The following TMX3 variants were observed in gnomAD, a reference collection of about 807,000 sequenced individuals.
TMX3 encodes protein disulfide-isomerase TMX3.
TMX3 carries 40 observed loss-of-function variants against 64.4 expected under a neutral mutation model. The observed-to-expected ratio is 0.62, with a 90% confidence interval of 0.48 to 0.81. The LOEUF (loss-of-function observed/expected upper bound fraction) is 0.81. Among genes scored for constraint, TMX3 ranks in the 30% least tolerant of loss-of-function variants. TMX3 has a pLI of 0.00. For missense variants in TMX3, 497 were observed against 534.5 expected, an observed-to-expected ratio of 0.93 and a Z score of 0.69; for synonymous variants, 189 against 175.7, an observed-to-expected ratio of 1.08 and a Z score of -0.60.
In TMX3 at chr18:68,674,588, T is replaced by A. The variant is rs1275854118; in HGVS notation, c.*2345A>T. ...GATTCACTTATTAAGAGATCTGTCTTTATATGGAAGTAATGTTTCACGGAA... is the reference window on the plus strand; with the variant it reads ...GATTCACTTATTAAGAGATCTGTCTATATATGGAAGTAATGTTTCACGGAA... On this transcript the variant is annotated 3_prime_UTR_variant, in exon 16 of 16. Coordinates refer to ENST00000299608, the MANE Select transcript of TMX3 (RefSeq NM_019022.5). 2.0e-5 allele frequency: 3 copies of A among 152,240 alleles called. No individual in the cohort carries two copies. The highest frequency in any genetic ancestry group is 7.2e-5 in the African/African-American group (3 of 41,572). 9.4% of individuals were successfully genotyped at this position (152,240 alleles called of 1,614,324 possible).
chr18:68,696,601 C>G (rs565220717), intron 8 of TMX3, among the ~76,000 whole-genome samples: 56 of 151,982 alleles, frequency 3.7e-4, no homozygotes, highest in African/African-American at 1.3e-3. Context: ...CTCAGCCTCC[C>G]GAGTAACTAG....
intron 7 of TMX3, 131 bp from the exon 8 acceptor site, chr18:68,697,434 G>A (rs1021191216): frequency 4.4e-6 from 2 of 451,550 alleles, no homozygotes; most frequent in Non-Finnish European, 7.9e-6. Context: ...CATCCTCTTA[G>A]GTGAAGAGAA....
intron 7 of TMX3, 117 bp from the exon 8 acceptor site, chr18:68,697,420 CT>C: frequency 2.1e-6 from 1 of 485,282 alleles, no homozygotes; most frequent in Non-Finnish European, 3.7e-6. Flanking sequence ...AATGTGCTAC[CT>C]TACATCCTCT....
intron 6 of TMX3, 82 bp downstream of exon 6, chr18:68,700,323 G>A: frequency 1.0e-6 from 1 of 957,170 alleles, no homozygotes; most frequent in Non-Finnish European, 1.5e-6. Flanking sequence ...CTTAAAATAT[G>A]TTTGTTCAAT....
intron 13 of TMX3, 51 bp downstream of exon 13, chr18:68,682,874 A>C: frequency 6.5e-7 from 1 of 1,539,816 alleles, no homozygotes; most frequent in East Asian, 2.3e-5. Flanking sequence ...CTCAGAAACA[A>C]ATTTAAAAAT....
At chr18:68,679,575 CT>C in intron 14 of TMX3, 44 bp from the exon 15 acceptor site, 1 of 1,529,892 alleles carries the variant, frequency 6.5e-7, no homozygotes, top group South Asian at 1.2e-5. Flanking sequence ...AGCACCATTA[CT>C]TCATTTACTT....
At chr18:68,684,586 GAATTTAAT>G in intron 10 of TMX3, 101 bp from the exon 11 acceptor site, 3 of 953,968 alleles carry the variant, frequency 3.1e-6, no homozygotes, top group Non-Finnish European at 4.9e-6. Context: ...AGTATTTCTA[GAATTTAAT>G]TCCAATCACC....
rs750990158 is a variant in TMX3, at chr18:68,698,005, T to C, written c.419A>G (p.Gln140Arg). ...SGALIRPLPS[Q>R]QMFEHMQKRH... The stretch of plus-strand genomic sequence containing the variant: ...CTTCTGCATATGTTCAAACATTTGT[T>C]GACTTGGAAGTGGCCGAATTAGAGC... Residue 140 changes from glutamine (Q) to arginine (R), a missense_variant, in exon 7 of 16, where the codon CAA (glutamine) becomes CGA (arginine). By Grantham distance (43) the Gln-to-Arg change is conservative. Around this residue, in one of 3 missense-constraint regions of TMX3, gnomAD observed 360 missense variants for 383.5 expected, o/e 0.94. Transcript: ENST00000299608. The C allele has an allele frequency of 3.7e-6, 6 of 1,611,976 alleles. No homozygotes were observed. In the East Asian group the frequency reaches 1.3e-4, roughly 36 times the overall value.
chr18:68,685,600 C>G (rs1025311214), intron 10 of TMX3, among the ~76,000 whole-genome samples: 1 of 152,306 alleles, frequency 6.6e-6, no homozygotes. Flanking sequence ...CACAGTTTCT[C>G]ACATTTATTA....
chr18:68,676,082 CAGA>C lies in TMX3; in HGVS notation c.*848_*850del, dbSNP rs1383910692. The stretch of plus-strand genomic sequence containing the variant: ...ATGATACATACCACTTTTCAAAAAG[CAGA>C]AGATTTTTATCAAAGGAAATGTTAG... On this transcript the variant is annotated 3_prime_UTR_variant, in exon 16 of 16. Coordinates refer to ENST00000299608, the MANE Select transcript of TMX3 (RefSeq NM_019022.5). 16 of 152,092 alleles carry C rather than the reference CAGA, an allele frequency of 1.1e-4. No homozygotes were observed. The East Asian group carries it at 1.9e-3, about 18-fold the overall frequency. The allele number at this position is 152,092 out of a possible 1,614,324, so 9.4% of individuals were successfully genotyped here.
At position 68,675,006 on chromosome 18, in the gene TMX3, G is replaced by A. The variant is rs1912809410; in HGVS notation, c.*1927C>T. 1 of 152,022 alleles carries A rather than the reference G, an allele frequency of 6.6e-6. No individual in the cohort carries two copies. The allele number at this position is 152,022 out of a possible 1,614,324, so 9.4% of individuals were successfully genotyped here. On this transcript the variant is annotated 3_prime_UTR_variant, in exon 16 of 16. Coordinates refer to ENST00000299608, the MANE Select transcript of TMX3 (RefSeq NM_019022.5). ...TTAAGGTCTTTCATTTACAGGTAAT[G>A]ATCAACAAGACAAAAATATGTAAAT...
chr18:68,690,275 C>A (rs1257480956), intron 9 of TMX3, among the ~76,000 whole-genome samples: 3 of 152,004 alleles, frequency 2.0e-5, no homozygotes, highest in Admixed American at 6.5e-5. Context: ...TAACCACAAG[C>A]CACAGGAGCC....
intron 4 of TMX3, among the ~76,000 whole-genome samples, chr18:68,705,271 T>C (rs1314241779): frequency 2.6e-5 from 4 of 152,086 alleles, no homozygotes; most frequent in Non-Finnish European, 4.4e-5. Flanking sequence ...ATGTCAATAG[T>C]GCAAGGCTGA....
Position 68,675,529 on chromosome 18 carries a change from AAAC to A in TMX3, c.*1401_*1403del, listed in dbSNP as rs1235158897. On this transcript the variant is annotated 3_prime_UTR_variant, in exon 16 of 16. Transcript: ENST00000299608. Reference sequence around the variant, plus strand: ...GGCTGTCCTTGATGACTAAATCCCTAAACAACGTCAGTGTCCAGACCATGAATT... The same window carrying A: ...GGCTGTCCTTGATGACTAAATCCCTAAACGTCAGTGTCCAGACCATGAATT... 3.3e-5 allele frequency: 5 copies of A among 152,176 alleles called. No homozygotes were observed. The highest frequency in any genetic ancestry group is 2.1e-4 in the South Asian group (1 of 4,834). The allele number at this position is 152,176 out of a possible 1,614,324, so 9.4% of individuals were successfully genotyped here.
rs1254821513 is a variant in TMX3 at position 68,673,843 on chromosome 18, C to T, written c.*3090G>A. 3.3e-5 allele frequency: 5 copies of T among 152,088 alleles called. No homozygotes were observed. Among genetic ancestry groups the T allele is most frequent in the Admixed American group, 6.6e-5 (1 of 15,260 alleles). The allele number at this position is 152,088 out of a possible 1,614,324, so 9.4% of individuals were successfully genotyped here. A position where few individuals can be genotyped will look rare whatever the true frequency, so the allele number is the denominator to read the frequency against. ...AAATTATTTTTTGCCCACTCTTGGA[C>T]TCAGACACATTCAGAAAAAATATAT... On this transcript the variant is annotated 3_prime_UTR_variant, in exon 16 of 16. Coordinates refer to ENST00000299608, the MANE Select transcript of TMX3 (RefSeq NM_019022.5).
rs1358052975 is a variant in TMX3, at chr18:68,682,908, T to C, written c.905+17A>G. On this transcript the variant is annotated intron_variant, in intron 13 of 15. Transcript: ENST00000299608. ...ATTAATAGATTTGACAGCAAAATCA[T>C]TCAGCACTTTACTTACTCCATCAGC... is the stretch of plus-strand genomic sequence containing the variant. The C allele has an allele frequency of 5.0e-6, 8 of 1,589,540 alleles. No homozygotes were observed. The East Asian group carries it at 1.4e-4, about 27-fold the overall frequency.
At chr18:68,703,349 C>T (rs927234209) in intron 4 of TMX3, among the ~76,000 whole-genome samples, 1 of 152,054 alleles carries the variant, frequency 6.6e-6, no homozygotes, top group Non-Finnish European at 1.5e-5. Flanking sequence ...TAAATTATAT[C>T]AAAATGTATT....
chr18:68,686,860 A>G (rs929790787), intron 10 of TMX3: 3 of 985,296 alleles, frequency 3.0e-6, no homozygotes, highest in Admixed American at 6.1e-5. Context: ...GGAACAGAAC[A>G]GAAATATCCC....
chr18:68,699,372 C>T (rs1289254950), intron 6 of TMX3, among the ~76,000 whole-genome samples: 3 of 152,040 alleles, frequency 2.0e-5, no homozygotes, highest in Non-Finnish European at 4.4e-5. Flanking sequence ...CAGTACCTCC[C>T]GCTAGCACTC....
Sources: gnomAD v4.1 joint callset for allele counts (sites outside exome capture counted in the v4.1 genomes callset) on GRCh38, gnomAD v4.1.1 for gene constraint, gnomAD v4.1.1 regional missense constraint, MANE v1.5 for transcripts, NCBI Gene and HGNC (gene_info 2026-07-23, HGNC 2026-07-21) for gene names.